The following FAM227B variants were observed in gnomAD, a reference collection of about 807,000 sequenced individuals.
FAM227B encodes the protein family with sequence similarity 227 member B, also known as protein FAM227B.
FAM227B carries 88 observed loss-of-function variants against 73.8 expected under a neutral mutation model. That is an observed-to-expected ratio of 1.19 (90% CI 1.00 to 1.42). FAM227B has a LOEUF of 1.42. FAM227B is among the 40% of genes most tolerant of loss of function. The pLI is 0.00. For missense variants in FAM227B, 632 were observed against 590.9 expected, an observed-to-expected ratio of 1.07 and a Z score of -0.72; for synonymous variants, 210 against 190.5, an observed-to-expected ratio of 1.10 and a Z score of -0.84.
chr15:49,523,471 C>A lies in FAM227B; in HGVS notation c.875-15123G>T, dbSNP rs562066723. Reference sequence around the variant, plus strand: ...ACCACGATTGTGAGGCCTCCCCAGCCATGTGGAACCCTAAGTCCATTAAAT... The same window carrying A: ...ACCACGATTGTGAGGCCTCCCCAGCAATGTGGAACCCTAAGTCCATTAAAT... On this transcript the variant is annotated intron_variant, in intron 10 of 15. Transcript: ENST00000299338. Among the ~76,000 whole-genome samples the A allele has an allele frequency of 9.2e-5, 14 of 152,150 alleles. 1 individual carries two copies. The highest frequency in any genetic ancestry group is 1.5e-4 in the Non-Finnish European group (10 of 68,026).
chr15:49,333,011 GCT>G lies in FAM227B; in HGVS notation c.1350-1164_1350-1163del, dbSNP rs1308669721. Among the ~76,000 whole-genome samples, 8 of 152,090 alleles carry G rather than the reference GCT, an allele frequency of 5.3e-5. No homozygotes were observed. The South Asian group carries it at 1.5e-3, about 28-fold the overall frequency. On this transcript the variant is annotated intron_variant, in intron 14 of 15. Coordinates refer to ENST00000299338, the MANE Select transcript of FAM227B (RefSeq NM_152647.3). ...TCCTTCCATGCCAGTCTCAAATCTG[GCT>G]CTTAGTTTCTCAGTAACACCTTCTT...
chr15:49,461,945 A>G (rs2053836596), intron 11 of FAM227B, among the ~76,000 whole-genome samples: 1 of 152,170 alleles, frequency 6.6e-6, no homozygotes, highest in East Asian at 1.9e-4. Context: ...CGAAGCAGGC[A>G]GATTACTTGA....
chr15:49,444,317 G>A (rs571311786), intron 11 of FAM227B, among the ~76,000 whole-genome samples: 1 of 151,714 alleles, frequency 6.6e-6, no homozygotes, highest in East Asian at 1.9e-4. Flanking sequence ...TAACATTTCA[G>A]TAAAACATGC....
At chr15:49,354,710 G>A (rs8035266) in intron 13 of FAM227B, among the ~76,000 whole-genome samples, 66,398 of 152,036 alleles carry the variant, frequency 0.44, 14,766 homozygotes, top group African/African-American at 0.51. Context: ...CAAAACAGTC[G>A]GGAAGCTCGA....
chr15:49,489,716 A>G (rs2056719193), intron 11 of FAM227B, among the ~76,000 whole-genome samples: 1 of 146,182 alleles, frequency 6.8e-6, no homozygotes, highest in Non-Finnish European at 1.5e-5. Flanking sequence ...AATTGATTTC[A>G]ATGGTAGGTA....
intron 11 of FAM227B, among the ~76,000 whole-genome samples, chr15:49,435,154 A>G (rs1380723467): frequency 6.6e-6 from 1 of 151,524 alleles, no homozygotes; most frequent in African/African-American, 2.4e-5. Flanking sequence ...AATGAATGAA[A>G]TATTTTTTAC....
At chr15:49,565,912 T>C (rs1419850262) in intron 9 of FAM227B, among the ~76,000 whole-genome samples, 1 of 152,088 alleles carries the variant, frequency 6.6e-6, no homozygotes, top group Non-Finnish European at 1.5e-5. Context: ...AACCATAAGC[T>C]AAGGAATACT....
chr15:49,464,349 T>G (rs1567327448), intron 11 of FAM227B, among the ~76,000 whole-genome samples: 1 of 152,234 alleles, frequency 6.6e-6, no homozygotes, highest in African/African-American at 2.4e-5. Context: ...TGAATTAATA[T>G]TTTAAATAAA....
intron 11 of FAM227B, among the ~76,000 whole-genome samples, chr15:49,382,343 G>A (rs919578482): frequency 1.6e-4 from 24 of 152,110 alleles, no homozygotes; most frequent in Admixed American, 4.6e-4. Flanking sequence ...ATATTAATGC[G>A]TTTACTATTT....
intron 9 of FAM227B, among the ~76,000 whole-genome samples, chr15:49,544,915 G>T (rs1441546403): frequency 6.6e-6 from 1 of 152,006 alleles, no homozygotes; most frequent in East Asian, 1.9e-4. Context: ...CTAGTATTTC[G>T]TTGAGGATTT....
intron 11 of FAM227B, among the ~76,000 whole-genome samples, chr15:49,474,592 A>G (rs1460240303): frequency 1.3e-5 from 2 of 152,132 alleles, no homozygotes; most frequent in African/African-American, 4.8e-5. Context: ...TGAAAATACT[A>G]GATAGCTATT....
At chr15:49,424,619 A>G in intron 11 of FAM227B, 1 of 1,451,506 alleles carries the variant, frequency 6.9e-7, no homozygotes. Context: ...GAACCTTAGC[A>G]ATCTGTTAAT....
At position 49,429,593 on chromosome 15, in the gene FAM227B, T is replaced by C. The variant is rs140502061; in HGVS notation, c.1013-58194A>G. On this transcript the variant is annotated intron_variant, in intron 11 of 15. Transcript: ENST00000299338. ...TGGAAGAAGTCAGCTCTTAGATATATTGAAAGGGTTGCCTTTCTACATTTT... is the reference window on the plus strand; with the variant it reads ...TGGAAGAAGTCAGCTCTTAGATATACTGAAAGGGTTGCCTTTCTACATTTT... Among the ~76,000 whole-genome samples, 254 of 152,078 alleles carry C rather than the reference T, an allele frequency of 1.7e-3. 1 individual carries two copies. Among genetic ancestry groups the C allele is most frequent in the African/African-American group, 5.8e-3 (240 of 41,538 alleles).
intron 10 of FAM227B, among the ~76,000 whole-genome samples, chr15:49,512,958 T>C (rs1188244826): frequency 6.6e-6 from 1 of 152,158 alleles, no homozygotes; most frequent in African/African-American, 2.4e-5. Flanking sequence ...TGCATAGTAT[T>C]CCATGGTGTA....
chr15:49,571,773 G>C (rs1217178695), intron 8 of FAM227B, among the ~76,000 whole-genome samples: 1 of 151,874 alleles, frequency 6.6e-6, no homozygotes, highest in Non-Finnish European at 1.5e-5. Context: ...TTTGAAGTTA[G>C]GTAGGGTGAT....
At chr15:49,545,526 A>T (rs1362685259) in intron 9 of FAM227B, among the ~76,000 whole-genome samples, 1 of 151,948 alleles carries the variant, frequency 6.6e-6, no homozygotes, top group Non-Finnish European at 1.5e-5. Flanking sequence ...GATTTTCTTC[A>T]GCTGGGTTTG....
At chr15:49,444,275 A>G (rs1046873162) in intron 11 of FAM227B, among the ~76,000 whole-genome samples, 4 of 151,722 alleles carry the variant, frequency 2.6e-5, no homozygotes, top group African/African-American at 9.7e-5. Flanking sequence ...CAATCCAGCT[A>G]TTTAGCCCAG....
At chr15:49,539,481 G>A (rs1371290631) in intron 10 of FAM227B, among the ~76,000 whole-genome samples, 2 of 152,214 alleles carry the variant, frequency 1.3e-5, no homozygotes, top group African/African-American at 2.4e-5. Context: ...TACACATGAA[G>A]AGTCAGTGGC....
Position 49,615,358 on chromosome 15 carries a change from T to A in FAM227B, c.-72-115A>T, listed in dbSNP as rs536695957. The stretch of plus-strand genomic sequence containing the variant: ...TACCAAGTCAGATAGTTTGGCTCTG[T>A]ATCTCCACTCAAATCTCATGTTGAA... On this transcript the variant is annotated intron_variant, in intron 1 of 15. Transcript: ENST00000299338. 305 of 606,576 alleles carry A rather than the reference T, an allele frequency of 5.0e-4. 7 individuals carry two copies. In the South Asian group the frequency reaches 5.4e-3, roughly 11 times the overall value. 37.6% of individuals were successfully genotyped at this position (606,576 alleles called of 1,614,324 possible). A position where few individuals can be genotyped will look rare whatever the true frequency, so the allele number is the denominator to read the frequency against.
Sources: allele counts gnomAD v4.1 joint callset (sites outside exome capture counted in the v4.1 genomes callset), GRCh38; gene constraint gnomAD v4.1.1; transcripts MANE v1.5; gene names NCBI Gene and HGNC (gene_info 2026-07-23, HGNC 2026-07-21).